The following ANKHD1 variants were observed in gnomAD, a reference collection of about 807,000 sequenced individuals.
ANKHD1 encodes the protein ankyrin repeat and KH domain containing 1.
Under a neutral mutation model 230.5 loss-of-function variants are expected in ANKHD1, and 31 were observed. That is an observed-to-expected ratio of 0.13 (90% CI 0.10 to 0.18). ANKHD1 has a LOEUF of 0.18. Ranked by LOEUF, ANKHD1 falls within the 10% of genes least tolerant of loss-of-function variation. ANKHD1 has a pLI of 1.00. For missense variants in ANKHD1, 2,256 were observed against 3,071.3 expected (o/e 0.73, Z 6.27); for synonymous variants, 1,074 against 1,117.6 (o/e 0.96, Z 0.78).
chr5:140,454,514 C>G (rs1214563569), intron 7 of ANKHD1, among the ~76,000 whole-genome samples: 1 of 152,192 alleles, frequency 6.6e-6, no homozygotes, highest in Non-Finnish European at 1.5e-5. Context: ...CAAACTGTCT[C>G]TCAGACCACA....
intron 9 of ANKHD1, among the ~76,000 whole-genome samples, chr5:140,460,286 T>C (rs1010455030): frequency 2.6e-5 from 4 of 152,130 alleles, no homozygotes; most frequent in Non-Finnish European, 5.9e-5. Context: ...AAAAAATTAG[T>C]CCCAACAGAT....
intron 7 of ANKHD1, 44 bp downstream of exon 7, chr5:140,449,349 G>A: frequency 1.3e-6 from 2 of 1,590,274 alleles, no homozygotes; most frequent in Non-Finnish European, 1.7e-6. Context: ...GGGAAGAAAA[G>A]GTCGTATGTG....
chr5:140,413,849 C>T (rs1771135549), intron 1 of ANKHD1, among the ~76,000 whole-genome samples: 1 of 152,032 alleles, frequency 6.6e-6, no homozygotes, highest in South Asian at 2.1e-4. Context: ...GGCACGATCT[C>T]AGCTCACTGC....
chr5:140,430,300 A>T (rs1772934699), intron 1 of ANKHD1, among the ~76,000 whole-genome samples: 1 of 152,154 alleles, frequency 6.6e-6, no homozygotes. Flanking sequence ...AGGAAAAAAG[A>T]TTCTTTGGTG....
intron 7 of ANKHD1, among the ~76,000 whole-genome samples, chr5:140,457,435 C>G (rs1775285601): frequency 6.6e-6 from 1 of 152,262 alleles, no homozygotes; most frequent in Middle Eastern, 3.4e-3. Flanking sequence ...TTCACAATAG[C>G]AAAGACTTGG....
rs1753728652 is a variant in ANKHD1 at position 140,529,599 on chromosome 5, ATAG to A, written c.6658_6660del (p.Ser2220del). 3.7e-6 allele frequency: 6 copies of A among 1,614,048 alleles called. No homozygotes were observed. The highest frequency in any genetic ancestry group is 1.3e-5 in the African/African-American group (1 of 74,910). On this transcript the variant is annotated inframe_deletion, in exon 29 of 34. Transcript: ENST00000360839. ...TTCAATCACTTCAGCAGTCTTTTTG[ATAG>A]TAGTCAGGTGCCAGCTAACCAGGGC... is the stretch of plus-strand genomic sequence containing the variant.
intron 1 of ANKHD1, among the ~76,000 whole-genome samples, chr5:140,412,731 T>C (rs2126851641): frequency 6.6e-6 from 1 of 152,364 alleles, no homozygotes; most frequent in East Asian, 1.9e-4. Context: ...AAAATTGTAA[T>C]CTGCTTTTCT....
intron 24 of ANKHD1, among the ~76,000 whole-genome samples, chr5:140,521,066 T>C (rs988750307): frequency 3.3e-5 from 5 of 152,086 alleles, no homozygotes; most frequent in African/African-American, 1.2e-4. Context: ...TATACTGAGT[T>C]TGGAAATTAT....
At chr5:140,536,482 T>G (rs1754082236) in intron 30 of ANKHD1, among the ~76,000 whole-genome samples, 1 of 152,214 alleles carries the variant, frequency 6.6e-6, no homozygotes, top group African/African-American at 2.4e-5. Flanking sequence ...ATGAGCATCA[T>G]GAGGTAGTCA....
Position 140,528,894 on chromosome 5 carries a change from G to A in ANKHD1, c.5948G>A (p.Cys1983Tyr). The A allele has an allele frequency of 6.2e-7, 1 of 1,614,160 alleles. No homozygotes were observed. Among genetic ancestry groups the A allele is most frequent in the Non-Finnish European group, 8.5e-7 (1 of 1,180,034 alleles). The part of the protein sequence containing the change: ...ATVISSVTST[C>Y]SSLPSVSSAP... ...GTGATTTCTTCTGTGACAAGCACTT[G>A]TAGTTCCCTGCCTTCTGTCTCCTCT... The change falls in exon 29 of 34, where the codon TGT becomes TAT. Residue 1983 changes from cysteine to tyrosine, a missense_variant. Cys to Tyr is a radical substitution (Grantham distance 194, BLOSUM62 -2). Transcript: ENST00000360839.
chr5:140,445,159 CAG>C (rs1198566779), intron 5 of ANKHD1, among the ~76,000 whole-genome samples: 1 of 151,926 alleles, frequency 6.6e-6, no homozygotes. Flanking sequence ...CGCACCTGGC[CAG>C]AAAATCTCTT....
intron 7 of ANKHD1, among the ~76,000 whole-genome samples, chr5:140,450,376 G>T (rs1014807191): frequency 1.3e-5 from 2 of 150,804 alleles, no homozygotes; most frequent in African/African-American, 4.9e-5. Flanking sequence ...GCTCACTGCA[G>T]CCTACCTCCC....
intron 24 of ANKHD1, among the ~76,000 whole-genome samples, chr5:140,516,675 T>C (rs1753027609): frequency 1.3e-5 from 2 of 152,142 alleles, no homozygotes; most frequent in South Asian, 4.1e-4. Flanking sequence ...CAGAATTTCA[T>C]ATCCAGCCAA....
At chr5:140,529,915 T>C in intron 29 of ANKHD1, 119 bp downstream of exon 29, 1 of 1,409,490 alleles carries the variant, frequency 7.1e-7, no homozygotes, top group Non-Finnish European at 9.4e-7. Context: ...TGCTTTAGAT[T>C]CTCTCTATGA....
Position 140,539,032 on chromosome 5 carries a change from C to T in ANKHD1, c.7518C>T (p.Asn2506=). ...NGLHNPDPAW[N]PMIKVIQNST... is the part of the protein sequence containing the mutation. ...TTCACAATCCAGATCCTGCTTGGAA[C>T]CCTATGATAAAAGTTATCCAAAATT... The change falls in exon 33 of 34, where the codon AAC becomes AAT. Residue 2506 remains asparagine, a synonymous_variant. Transcript: ENST00000360839. The T allele has an allele frequency of 3.1e-6, 5 of 1,612,980 alleles. No homozygotes were observed. The highest frequency in any genetic ancestry group is 4.2e-6 in the Non-Finnish European group (5 of 1,179,588).
At chr5:140,412,189 A>C (rs1770989421) in intron 1 of ANKHD1, among the ~76,000 whole-genome samples, 1 of 151,946 alleles carries the variant, frequency 6.6e-6, no homozygotes, top group Non-Finnish European at 1.5e-5. Context: ...GGTGCGTGCC[A>C]CCATGCCCCG....
intron 8 of ANKHD1, 127 bp downstream of exon 8, chr5:140,458,989 T>TAC (rs1775482766): frequency 1.6e-4 from 3 of 18,672 alleles, no homozygotes; most frequent in Admixed American, 8.0e-4. Context: ...TGCATATATA[T>TAC]ATATATGCAT....
intron 1 of ANKHD1, among the ~76,000 whole-genome samples, chr5:140,409,021 A>T (rs1770708592): frequency 6.6e-6 from 1 of 151,886 alleles, no homozygotes; most frequent in African/African-American, 2.4e-5. Context: ...ACTAGATGCC[A>T]GTAGAACCCG....
At chr5:140,509,978 C>T in intron 21 of ANKHD1, 41 bp from the exon 22 acceptor site, 2 of 1,562,868 alleles carry the variant, frequency 1.3e-6, no homozygotes, top group Middle Eastern at 1.7e-4. Flanking sequence ...AAGCCAGCCT[C>T]TTCTTACAGG....
Sources: allele counts gnomAD v4.1 joint callset (sites outside exome capture counted in the v4.1 genomes callset), GRCh38; gene constraint gnomAD v4.1.1; transcripts MANE v1.5; gene names NCBI Gene and HGNC (gene_info 2026-07-23, HGNC 2026-07-21).